DNAAF9: variants seen among roughly 807,000 people sequenced by gnomAD.
The protein encoded by DNAAF9 is shulin.
A neutral mutation model predicts 167.0 loss-of-function variants in DNAAF9; 90 were observed. That is an observed-to-expected ratio of 0.54 (90% confidence interval 0.45 to 0.64). DNAAF9 has a LOEUF of 0.64. Among genes scored for constraint, DNAAF9 ranks in the 30% least tolerant of loss-of-function variants. The probability of loss-of-function intolerance (pLI) is 0.00; values close to 1 mark genes in which losing one functional copy is unlikely to be tolerated. For missense variants in DNAAF9, 1,315 were observed against 1,442.2 expected (o/e 0.91, Z 1.43); for synonymous variants, 491 against 508.8 (o/e 0.96, Z 0.47).
intron 6 of DNAAF9, among the ~76,000 whole-genome samples, chr20:3,362,866 G>C (rs2083381307): frequency 6.6e-6 from 1 of 152,094 alleles, no homozygotes; most frequent in Admixed American, 6.6e-5. Flanking sequence ...TTGCTCTGCG[G>C]GTTACTTGTC....
At chr20:3,265,568 C>T (rs1414178103) in intron 30 of DNAAF9, among the ~76,000 whole-genome samples, 1 of 102,560 alleles carries the variant, frequency 9.8e-6, no homozygotes, top group East Asian at 3.1e-4. Flanking sequence ...GAGTGAGACT[C>T]TGTCTCAGAA....
chr20:3,315,054 G>T lies in DNAAF9; in HGVS notation c.1657C>A (p.Leu553Ile), dbSNP rs765997519. ...GEGAYLYSSN[L>I]QSWPEEGNVH... ...TTACCTTCCTCAGGCCAGGACTGTA[G>T]ATTGCTGGAATAAAGATATGCTCCT... is the stretch of plus-strand genomic sequence containing the variant. Residue 553 changes from leucine to isoleucine, a missense_variant, in exon 20 of 37, where the codon CTA (leucine) becomes ATA (isoleucine). Coordinates refer to ENST00000252032, the MANE Select transcript of DNAAF9 (RefSeq NM_001009984.3). The surrounding 1 kb of genome is among the most constrained non-coding windows in gnomAD (Gnocchi z 4.1). 6.2e-7 allele frequency: 1 copy of T among 1,608,798 alleles called. No homozygotes were observed. Among genetic ancestry groups the T allele is most frequent in the Non-Finnish European group, 8.5e-7 (1 of 1,175,156 alleles).
At chr20:3,405,118 C>T (rs2084038490) in intron 1 of DNAAF9, among the ~76,000 whole-genome samples, 1 of 152,194 alleles carries the variant, frequency 6.6e-6, no homozygotes, top group Non-Finnish European at 1.5e-5. Flanking sequence ...TACCTAACTT[C>T]AAAGAAGCAA....
chr20:3,388,044 G>A (rs1467875549), intron 1 of DNAAF9, among the ~76,000 whole-genome samples: 2 of 150,174 alleles, frequency 1.3e-5, no homozygotes, highest in African/African-American at 4.9e-5. Flanking sequence ...CTCTGGTCTG[G>A]GCAACAGAGC....
chr20:3,302,669 G>A (rs1277627168), intron 21 of DNAAF9, among the ~76,000 whole-genome samples: 2 of 152,148 alleles, frequency 1.3e-5, no homozygotes, highest in Non-Finnish European at 2.9e-5. Context: ...ATGTTGAGTG[G>A]AAAATGTCAG....
Position 3,367,347 on chromosome 20 carries a change from C to T in DNAAF9, c.612+6701G>A, listed in dbSNP as rs1403153621. ...ATCAGCAATACGGTTGTTTCACTTT[C>T]TTATAATTTGTGTTCAGTGAAGTAG... On this transcript the variant is annotated intron_variant, in intron 6 of 36. Coordinates refer to ENST00000252032, the MANE Select transcript of DNAAF9 (RefSeq NM_001009984.3). Among the ~76,000 whole-genome samples the T allele has an allele frequency of 1.3e-5, 2 of 152,212 alleles. 1 individual carries two copies. The highest frequency in any genetic ancestry group is 3.8e-4 in the East Asian group (2 of 5,204).
intron 21 of DNAAF9, among the ~76,000 whole-genome samples, chr20:3,301,341 C>T (rs554926569): frequency 3.3e-4 from 50 of 152,306 alleles, no homozygotes; most frequent in African/African-American, 1.2e-3. Flanking sequence ...GTGCACAGCA[C>T]CATGCCCAGC....
intron 16 of DNAAF9, among the ~76,000 whole-genome samples, chr20:3,320,623 A>G (rs1285190260): frequency 2.6e-5 from 4 of 152,222 alleles, no homozygotes; most frequent in Non-Finnish European, 5.9e-5. Context: ...AAAAAAGTCT[A>G]AACTAGTTCT....
At chr20:3,264,393 G>T in intron 31 of DNAAF9, 45 bp downstream of exon 31, 1 of 845,594 alleles carries the variant, frequency 1.2e-6, no homozygotes, top group Non-Finnish European at 2.0e-6. Flanking sequence ...ATAAATCATT[G>T]GGTTTACAAA....
chr20:3,389,852 G>A (rs1245013970), intron 1 of DNAAF9, among the ~76,000 whole-genome samples: 1 of 151,966 alleles, frequency 6.6e-6, no homozygotes, highest in Non-Finnish European at 1.5e-5. Flanking sequence ...CCTGGCCAAC[G>A]TGGCAAAACC....
chr20:3,286,518 A>G (rs1311245792), intron 27 of DNAAF9, among the ~76,000 whole-genome samples: 6 of 152,198 alleles, frequency 3.9e-5, no homozygotes, highest in Non-Finnish European at 8.8e-5. Flanking sequence ...CATTCCTTTG[A>G]CCAGTAGAAA....
intron 29 of DNAAF9, among the ~76,000 whole-genome samples, chr20:3,271,713 C>A (rs979497747): frequency 2.0e-5 from 3 of 151,802 alleles, no homozygotes; most frequent in African/African-American, 7.3e-5. Context: ...TCTCCACCTC[C>A]CATGTTCAAG....
chr20:3,336,982 C>T (rs1470790657), intron 10 of DNAAF9, among the ~76,000 whole-genome samples: 1 of 148,372 alleles, frequency 6.7e-6, no homozygotes, highest in Non-Finnish European at 1.5e-5. Flanking sequence ...CGGGTTCACA[C>T]CGTTCTCCTG....
At chr20:3,266,855 CT>C (rs556863917) in intron 30 of DNAAF9, among the ~76,000 whole-genome samples, 223 of 136,078 alleles carry the variant, frequency 1.6e-3, no homozygotes, top group Middle Eastern at 8.2e-3. Context: ...CCCCTTCCAC[CT>C]TTTTTTTTTT....
intron 10 of DNAAF9, among the ~76,000 whole-genome samples, chr20:3,332,901 G>T (rs2069863551): frequency 8.1e-5 from 2 of 24,598 alleles, no homozygotes. Context: ...TGTGCGTGTG[G>T]TGTGTGTGTG....
chr20:3,407,661 G>T lies in DNAAF9; in HGVS notation c.-104C>A. 3 of 1,093,300 alleles carry T rather than the reference G, an allele frequency of 2.7e-6. No homozygotes were observed. The highest frequency in any genetic ancestry group is 3.3e-6 in the Non-Finnish European group (3 of 898,366). The allele number at this position is 1,093,300 out of a possible 1,614,324, so 67.7% of individuals were successfully genotyped here. On this transcript the variant is annotated 5_prime_UTR_variant, in exon 1 of 37. Transcript: ENST00000252032. ...CTGCGGCCGGGCGGGGCGGCAGGGC[G>T]TGCCGGGTGGGAGGGGGCGCGGCGC...
rs1433182737 is a variant in DNAAF9 at position 3,251,246 on chromosome 20, C to T, written c.*1326G>A. Reference sequence around the variant, plus strand: ...CCAGGCACACAGACTACATGTGCTCCATCTTGTCTCTCCGCTGCTCCAGGG... The same window carrying T: ...CCAGGCACACAGACTACATGTGCTCTATCTTGTCTCTCCGCTGCTCCAGGG... On this transcript the variant is annotated 3_prime_UTR_variant, in exon 37 of 37. Transcript: ENST00000252032. 1 of 151,986 alleles carries T rather than the reference C, an allele frequency of 6.6e-6. No homozygotes were observed. Among genetic ancestry groups the T allele is most frequent in the Non-Finnish European group, 1.5e-5 (1 of 68,026 alleles). The allele number at this position is 151,986 out of a possible 1,614,324, so 9.4% of individuals were successfully genotyped here. A position where few individuals can be genotyped will look rare whatever the true frequency, so the allele number is the denominator to read the frequency against.
intron 28 of DNAAF9, among the ~76,000 whole-genome samples, chr20:3,279,211 C>A (rs1050036155): frequency 6.6e-6 from 1 of 152,194 alleles, no homozygotes; most frequent in Non-Finnish European, 1.5e-5. Context: ...ACAGGACCAG[C>A]TCTTTGGTCT....
In DNAAF9 at chr20:3,376,266, A is replaced by G. The variant is rs1360012501; in HGVS notation, c.320T>C (p.Leu107Pro). The change falls in exon 4 of 37, where the codon CTG (leucine) becomes CCG (proline). Residue 107 changes from leucine (L) to proline (P), a missense_variant. Leu to Pro is a moderately conservative substitution (Grantham distance 98). Around this residue, in one of 2 missense-constraint regions of DNAAF9, gnomAD observed 981 missense variants for 1,012.5 expected, o/e 0.97. Transcript: ENST00000252032. ...GCGAAAGTTTACAGGATTACAGTAC[A>G]GATGGACGCTATCCGATTTAATCAA... ...IILIKSDSVHLYCNPVNFRYL... is the reference protein window; with the variant it reads ...IILIKSDSVHPYCNPVNFRYL... 1 of 1,612,544 alleles carries G rather than the reference A, an allele frequency of 6.2e-7. No individual in the cohort carries two copies. The highest frequency in any genetic ancestry group is 8.5e-7 in the Non-Finnish European group (1 of 1,178,988).
Sources: allele counts gnomAD v4.1 joint callset (sites outside exome capture counted in the v4.1 genomes callset), GRCh38; gene constraint gnomAD v4.1.1; regional missense constraint gnomAD v4.1.1; non-coding constraint Gnocchi (gnomAD v3.1); transcripts MANE v1.5; gene names NCBI Gene and HGNC (gene_info 2026-07-23, HGNC 2026-07-21).